CIRSR: variants seen among roughly 807,000 people sequenced by gnomAD.
CIRSR encodes the protein corepressor of RBPJ and splicing regulator, also known as CBF1 (RBPJ) interacting corepressor 1.
chr2:174,374,871 A>T, the CIRSR span, among the ~76,000 whole-genome samples: 36 of 152,328 alleles, frequency 2.4e-4, no homozygotes, highest in African/African-American at 8.4e-4. Context: ...GCTTCCTTAG[A>T]GGAGCCCTTC....
At chr2:174,348,549 A>AT in the CIRSR span, 5 of 1,613,706 alleles carry the variant, frequency 3.1e-6, no homozygotes, top group South Asian at 2.2e-5. Context: ...CTCTCTGTAC[A>AT]TTTTTTCTCC....
At chr2:174,355,575 C>T in the CIRSR span, among the ~76,000 whole-genome samples, 2 of 152,116 alleles carry the variant, frequency 1.3e-5, no homozygotes, top group Non-Finnish European at 2.9e-5. Flanking sequence ...GTGTACAGTT[C>T]CATGTTCTGA....
the CIRSR span, chr2:174,381,620 G>A: frequency 6.1e-6 from 6 of 976,262 alleles, no homozygotes; most frequent in South Asian, 1.7e-5. Context: ...TGGCACCACT[G>A]CACTCCAGCC....
the CIRSR span, among the ~76,000 whole-genome samples, chr2:174,357,796 A>G: frequency 6.6e-5 from 10 of 152,236 alleles, no homozygotes; most frequent in Non-Finnish European, 1.0e-4. Flanking sequence ...GACTTAAAAA[A>G]GGGGCTCAGT....
the CIRSR span, among the ~76,000 whole-genome samples, chr2:174,382,144 A>G: frequency 6.6e-6 from 1 of 152,214 alleles, no homozygotes; most frequent in Non-Finnish European, 1.5e-5. Context: ...AATTAAGTTA[A>G]ATAGTGCCAA....
the CIRSR span, among the ~76,000 whole-genome samples, chr2:174,352,725 T>C: frequency 6.6e-6 from 1 of 152,266 alleles, no homozygotes; most frequent in African/African-American, 2.4e-5. Flanking sequence ...CAACATTTCA[T>C]GGCAGCTATT....
At chr2:174,371,116 TTGCC>T in the CIRSR span, among the ~76,000 whole-genome samples, 1 of 152,114 alleles carries the variant, frequency 6.6e-6, no homozygotes, top group Non-Finnish European at 1.5e-5. Flanking sequence ...AATTAGGTGG[TTGCC>T]TGAGGCTGGG....
the CIRSR span, among the ~76,000 whole-genome samples, chr2:174,354,490 A>G: frequency 2.1e-5 from 1 of 48,256 alleles, no homozygotes; most frequent in African/African-American, 5.6e-5. Flanking sequence ...ATATTATATT[A>G]TATAAATTAT....
the CIRSR span, chr2:174,351,889 A>C: frequency 4.3e-6 from 2 of 469,772 alleles, no homozygotes; most frequent in East Asian, 6.8e-5. Context: ...CTAAAACAGC[A>C]GTCTGGAGAT....
chr2:174,385,792 T>C, the CIRSR span, among the ~76,000 whole-genome samples: 2 of 152,228 alleles, frequency 1.3e-5, no homozygotes, highest in Middle Eastern at 3.4e-3. Context: ...TCCATATTGA[T>C]AGAAAATTAA....
chr2:174,376,788 ACT>A, the CIRSR span, among the ~76,000 whole-genome samples: 1 of 135,650 alleles, frequency 7.4e-6, no homozygotes, highest in African/African-American at 2.8e-5. Context: ...GCAAAGCGAG[ACT>A]CTGTCTCAGG....
the CIRSR span, among the ~76,000 whole-genome samples, chr2:174,371,642 G>A: frequency 6.6e-6 from 1 of 152,206 alleles, no homozygotes; most frequent in Admixed American, 6.5e-5. Context: ...ATTTAACTTT[G>A]CAAAGGAGAA....
the CIRSR span, among the ~76,000 whole-genome samples, chr2:174,368,908 C>T: frequency 6.6e-6 from 1 of 152,092 alleles, no homozygotes; most frequent in Non-Finnish European, 1.5e-5. Context: ...AGAGCACATG[C>T]AAAGTAGATT....
At chr2:174,350,727 C>G in the CIRSR span, 1 of 1,608,026 alleles carries the variant, frequency 6.2e-7, no homozygotes, top group Non-Finnish European at 8.5e-7. Flanking sequence ...TCTTCTTCAC[C>G]CTCACTTGCA....
chr2:174,388,271 T>C, the CIRSR span, among the ~76,000 whole-genome samples: 1 of 152,374 alleles, frequency 6.6e-6, no homozygotes, highest in Non-Finnish European at 1.5e-5. Flanking sequence ...TGATCTTGGC[T>C]CACTGCAACC....
At chr2:174,362,010 T>A in the CIRSR span, among the ~76,000 whole-genome samples, 2 of 152,204 alleles carry the variant, frequency 1.3e-5, no homozygotes, top group Admixed American at 1.3e-4. Flanking sequence ...AAAAAAATTA[T>A]GGCAGGGCTG....
chr2:174,381,829 T>A, the CIRSR span: 18 of 1,224,822 alleles, frequency 1.5e-5, no homozygotes, highest in South Asian at 5.7e-5. Flanking sequence ...AAAAAAAAAA[T>A]TATAGAATAA....
chr2:174,388,577 G>T, the CIRSR span, among the ~76,000 whole-genome samples: 1 of 151,976 alleles, frequency 6.6e-6, no homozygotes, highest in Non-Finnish European at 1.5e-5. Context: ...TATATTCATA[G>T]GTAGTCAATG....
At chr2:174,380,379 G>C in the CIRSR span, 2 of 685,410 alleles carry the variant, frequency 2.9e-6, no homozygotes, top group African/African-American at 3.6e-5. Flanking sequence ...TAAGAATACA[G>C]AACTATAAAA....
Sources: gnomAD v4.1 joint callset for allele counts (sites outside exome capture counted in the v4.1 genomes callset) on GRCh38, gnomAD v4.1.1 for gene constraint, MANE v1.5 for transcripts, NCBI Gene and HGNC (gene_info 2026-07-23, HGNC 2026-07-21) for gene names.